LAMA2: variants seen among roughly 807,000 people sequenced by gnomAD.
The protein encoded by LAMA2 is laminin subunit alpha-2.
In LAMA2, 269 loss-of-function variants were observed where a neutral mutation model predicts 364.8. That is an observed-to-expected ratio of 0.74 (90% confidence interval 0.67 to 0.82). The LOEUF (loss-of-function observed/expected upper bound fraction) is 0.82. LAMA2 is among the 40% of genes least tolerant of loss of function. The pLI is 0.00. For missense variants in LAMA2, 3,807 were observed against 3,873.2 expected, an observed-to-expected ratio of 0.98 and a Z score of 0.45; for synonymous variants, 1,379 against 1,370.6, an observed-to-expected ratio of 1.01 and a Z score of -0.14.
In LAMA2 at chr6:129,377,974, GA is replaced by G. The variant is rs558760122; in HGVS notation, c.4960-5138del. On this transcript the variant is annotated intron_variant, in intron 34 of 64. Transcript: ENST00000421865. ...CAAGAAAAAATAGAAAAAGAAATGG[GA>G]AAAAAAAAACCTAGTTGAGTGAATG... Among the ~76,000 whole-genome samples the G allele has an allele frequency of 8.5e-3, 1,242 of 146,596 alleles. 17 individuals carry two copies. Among genetic ancestry groups the G allele is most frequent in the African/African-American group, 0.029 (1,156 of 40,076 alleles).
In LAMA2 at chr6:129,507,603, A is replaced by G; in HGVS notation, c.8818A>G (p.Arg2940Gly). 2 of 1,614,202 alleles carry G rather than the reference A, an allele frequency of 1.2e-6. No homozygotes were observed. Among genetic ancestry groups the G allele is most frequent in the Non-Finnish European group, 1.7e-6 (2 of 1,180,002 alleles). The change falls in exon 62 of 65, where the codon AGG (arginine) becomes GGG (glycine). Residue 2940 changes from arginine (R) to glycine (G), a missense_variant. By Grantham distance (125) the Arg-to-Gly change is moderately radical. This residue lies in a region of LAMA2 where 3,333 missense variants were observed against 3,345.7 expected (regional missense o/e 1.00). Coordinates refer to ENST00000421865, the MANE Select transcript of LAMA2 (RefSeq NM_000426.4). ...HVGTCFANAQ[R>G]GTYFDGTGFA... ...TGGGACATGTTTTGCAAATGCTCAG[A>G]GGGGAACATATTTTGACGGAACCGG... is the stretch of plus-strand genomic sequence containing the variant.
At chr6:129,221,920 A>G (rs1434961289) in intron 12 of LAMA2, among the ~76,000 whole-genome samples, 1 of 152,234 alleles carries the variant, frequency 6.6e-6, no homozygotes, top group Non-Finnish European at 1.5e-5. Flanking sequence ...ACGTGATAAT[A>G]TGATGCTTAG....
intron 3 of LAMA2, among the ~76,000 whole-genome samples, chr6:129,096,839 G>A (rs374838243): frequency 6.6e-5 from 10 of 152,310 alleles, no homozygotes; most frequent in South Asian, 6.2e-4. Flanking sequence ...AAGCATGCAT[G>A]CATTCAAGTA....
intron 12 of LAMA2, among the ~76,000 whole-genome samples, chr6:129,229,835 G>C (rs1275066595): frequency 6.6e-6 from 1 of 152,174 alleles, no homozygotes; most frequent in Non-Finnish European, 1.5e-5. Flanking sequence ...CATTGATTTA[G>C]ATGGGGAAGA....
At chr6:129,116,174 G>C (rs1327140067) in intron 4 of LAMA2, among the ~76,000 whole-genome samples, 1 of 152,118 alleles carries the variant, frequency 6.6e-6, no homozygotes, top group Non-Finnish European at 1.5e-5. Context: ...TATGAAGTGT[G>C]CTAGTAAAGT....
intron 1 of LAMA2, among the ~76,000 whole-genome samples, chr6:128,988,969 T>C (rs1783439173): frequency 6.6e-6 from 1 of 152,174 alleles, no homozygotes; most frequent in Non-Finnish European, 1.5e-5. Flanking sequence ...AAGGATTATT[T>C]GTCTTCAAGA....
At position 129,502,508 on chromosome 6, in the gene LAMA2, G is replaced by A. The variant is rs1583910183; in HGVS notation, c.8245-151G>A. ...ACACGCACTGAGCACTCAATAATAA[G>A]TACTTACTATGCAGTAGACTACAGA... On this transcript the variant is annotated intron_variant, in intron 58 of 64. Coordinates refer to ENST00000421865, the MANE Select transcript of LAMA2 (RefSeq NM_000426.4). 3.6e-5 allele frequency: 23 copies of A among 646,670 alleles called. No homozygotes were observed. The South Asian group carries it at 4.0e-4, about 11-fold the overall frequency. The allele number at this position is 646,670 out of a possible 1,614,324, so 40.1% of individuals were successfully genotyped here. A position where few individuals can be genotyped will look rare whatever the true frequency, so the allele number is the denominator to read the frequency against.
In LAMA2 at chr6:129,048,596, TCCTTCCTTTCTC is replaced by T. The variant is rs1787764661; in HGVS notation, c.113-1321_113-1310del. ...CTTTCTCCTTCCTTCTTTGCTTCCTTCCTTCCTTTCTCTCTCTCTCTCTCTCTCTCTCTTTCT... is the reference window on the plus strand; with the variant it reads ...CTTTCTCCTTCCTTCTTTGCTTCCTTTCTCTCTCTCTCTCTCTCTCTTTCT... On this transcript the variant is annotated intron_variant, in intron 1 of 64. Transcript: ENST00000421865. Among the ~76,000 whole-genome samples the T allele has an allele frequency of 9.6e-5, 4 of 41,744 alleles. 1 individual carries two copies. Among genetic ancestry groups the T allele is most frequent in the African/African-American group, 3.0e-4 (4 of 13,132 alleles). The allele number at this position is 41,744 out of a possible 152,430, so 27.4% of individuals were successfully genotyped here. A position where few individuals can be genotyped will look rare whatever the true frequency, so the allele number is the denominator to read the frequency against.
chr6:129,015,893 A>G (rs1785041516), intron 1 of LAMA2, among the ~76,000 whole-genome samples: 1 of 152,078 alleles, frequency 6.6e-6, no homozygotes, highest in African/African-American at 2.4e-5. Flanking sequence ...GAGGTACAAT[A>G]TATAAACTTG....
At chr6:129,460,985 T>A (rs934926614) in intron 49 of LAMA2, among the ~76,000 whole-genome samples, 1 of 151,994 alleles carries the variant, frequency 6.6e-6, no homozygotes, top group Non-Finnish European at 1.5e-5. Flanking sequence ...TTTAACATCC[T>A]ATCATACTAA....
chr6:129,166,406 G>A (rs1047401159), intron 9 of LAMA2, among the ~76,000 whole-genome samples: 1 of 152,032 alleles, frequency 6.6e-6, no homozygotes, highest in South Asian at 2.1e-4. Flanking sequence ...ACAATGTAGT[G>A]TTTTTTTCCC....
rs536039880 is a variant in LAMA2 at position 129,500,508 on chromosome 6, T to C, written c.8245-2151T>C. 4.9e-4 allele frequency among the ~76,000 whole-genome samples: 75 copies of C among 152,336 alleles called. 1 individual carries two copies. In the Middle Eastern group the frequency reaches 0.014, roughly 28 times the overall value. ...TGCCTGCTTCTTGAGGGCTGCCCGT[T>C]GCAGAAACGGAGGATCTAATCCAGG... On this transcript the variant is annotated intron_variant, in intron 58 of 64. Coordinates refer to ENST00000421865, the MANE Select transcript of LAMA2 (RefSeq NM_000426.4).
chr6:129,503,347 C>T (rs1255622149), intron 60 of LAMA2, 67 bp downstream of exon 60: 12 of 1,445,762 alleles, frequency 8.3e-6, no homozygotes, highest in Middle Eastern at 2.3e-4. Context: ...CAGCATTCTC[C>T]TGGTGCCAGT....
At chr6:129,010,147 A>C (rs368412639) in intron 1 of LAMA2, among the ~76,000 whole-genome samples, 1 of 152,314 alleles carries the variant, frequency 6.6e-6, no homozygotes, top group African/African-American at 2.4e-5. Flanking sequence ...AAGATTTAAA[A>C]ATCTCTTCAG....
chr6:129,055,793 C>T (rs757767894), intron 2 of LAMA2, among the ~76,000 whole-genome samples: 23 of 152,184 alleles, frequency 1.5e-4, no homozygotes, highest in Non-Finnish European at 3.2e-4. Context: ...ACCTCATCAG[C>T]GATTCCCTAT....
At chr6:128,955,486 T>A (rs1159913693) in intron 1 of LAMA2, among the ~76,000 whole-genome samples, 3 of 151,926 alleles carry the variant, frequency 2.0e-5, no homozygotes, top group Non-Finnish European at 4.4e-5. Flanking sequence ...ATAGATTCCC[T>A]CGTTGAAACT....
At chr6:129,500,347 A>AAAAT (rs1785534221) in intron 58 of LAMA2, among the ~76,000 whole-genome samples, 16 of 152,232 alleles carry the variant, frequency 1.1e-4, no homozygotes, top group Admixed American at 1.0e-3. Context: ...ATCACCTTGG[A>AAAAT]TGTCCTTAAA....
At chr6:129,208,603 G>T (rs1782851449) in intron 12 of LAMA2, among the ~76,000 whole-genome samples, 1 of 144,134 alleles carries the variant, frequency 6.9e-6, no homozygotes, top group Non-Finnish European at 1.5e-5. Context: ...AAAGAAGAGA[G>T]GGAGAAAGAA....
chr6:129,387,975 G>A (rs1431929764), intron 35 of LAMA2, among the ~76,000 whole-genome samples: 1 of 152,014 alleles, frequency 6.6e-6, no homozygotes, highest in Non-Finnish European at 1.5e-5. Flanking sequence ...CCTAGATGAT[G>A]GGCTGGGCGT....
Sources: allele counts gnomAD v4.1 joint callset (sites outside exome capture counted in the v4.1 genomes callset), GRCh38; gene constraint gnomAD v4.1.1; regional missense constraint gnomAD v4.1.1; transcripts MANE v1.5; gene names NCBI Gene and HGNC (gene_info 2026-07-23, HGNC 2026-07-21).